Variants in NLGN4X observed in about 807,000 individuals in gnomAD.
The protein encoded by NLGN4X is neuroligin 4 X-linked.
A neutral mutation model predicts 40.3 loss-of-function variants in NLGN4X; 3 were observed. That is an observed-to-expected ratio of 0.07 (90% CI 0.03 to 0.19). The LOEUF (loss-of-function observed/expected upper bound fraction) is 0.19, where lower values mean the gene tolerates loss of function less well. NLGN4X is among the 10% of genes least tolerant of loss of function. NLGN4X has a pLI of 1.00. For synonymous variants in NLGN4X, 270 were observed against 306.8 expected (o/e 0.88, Z 1.25); for missense variants, 382 against 708.3 (o/e 0.54, Z 5.23).
At chrX:5,906,419 A>C (rs1466148684) in intron 4 of NLGN4X, among the ~76,000 whole-genome samples, 1 of 112,120 alleles carries the variant, frequency 8.9e-6, no homozygotes, top group Non-Finnish European at 1.9e-5. Flanking sequence ...GCCAATGAAG[A>C]CACTGAGGAG....
chrX:6,178,785 G>A (rs1177720773), intron 1 of NLGN4X, among the ~76,000 whole-genome samples: 3 of 111,661 alleles, frequency 2.7e-5, no homozygotes, highest in East Asian at 5.6e-4. Context: ...GTTCTTTCAC[G>A]GACTTATGCT....
chrX:5,968,574 T>G (rs1331362097), intron 3 of NLGN4X, among the ~76,000 whole-genome samples: 1 of 100,912 alleles, frequency 9.9e-6, no homozygotes, highest in Non-Finnish European at 2.0e-5. Flanking sequence ...ATGAATTAAT[T>G]AATGTGTGTG....
At chrX:6,144,468 CTTTTACAGT>C (rs2040008267) in intron 2 of NLGN4X, among the ~76,000 whole-genome samples, 1 of 111,684 alleles carries the variant, frequency 9.0e-6, no homozygotes, top group Non-Finnish European at 1.9e-5. Flanking sequence ...CACATTTATT[CTTTTACAGT>C]TCTAAGGTCA....
intron 3 of NLGN4X, among the ~76,000 whole-genome samples, chrX:5,990,077 C>CCT (rs71839664): frequency 0.047 from 3,954 of 83,622 alleles, 95 homozygotes; most frequent in African/African-American, 0.061. Flanking sequence ...TCTCTATTTT[C>CCT]CTCTCTCTCT....
At chrX:6,019,153 G>T (rs1254107855) in intron 3 of NLGN4X, among the ~76,000 whole-genome samples, 1 of 111,915 alleles carries the variant, frequency 8.9e-6, no homozygotes, top group African/African-American at 3.2e-5. Context: ...TTTCCATAAA[G>T]CTAATGACTT....
chrX:5,985,769 C>A (rs1055384320), intron 3 of NLGN4X, among the ~76,000 whole-genome samples: 1 of 111,679 alleles, frequency 9.0e-6, no homozygotes, highest in South Asian at 3.7e-4. Flanking sequence ...GACTCAAAAC[C>A]TGAGTCAACA....
intron 3 of NLGN4X, among the ~76,000 whole-genome samples, chrX:5,953,168 T>C (rs2034373306): frequency 9.1e-6 from 1 of 110,458 alleles, no homozygotes. Flanking sequence ...CTCGGGAGTT[T>C]GAGACCAGCC....
intron 1 of NLGN4X, among the ~76,000 whole-genome samples, chrX:6,184,286 T>C (rs568139052): frequency 1.8e-5 from 2 of 112,044 alleles, no homozygotes; most frequent in African/African-American, 6.5e-5. Context: ...CTGATGCCAT[T>C]TGCTTATTAC....
chrX:6,070,824 G>A (rs2147362440), intron 2 of NLGN4X, among the ~76,000 whole-genome samples: 1 of 111,532 alleles, frequency 9.0e-6, no homozygotes, highest in Middle Eastern at 4.7e-3. Flanking sequence ...AAGAATGTGC[G>A]AAGGAGGAAC....
chrX:6,183,856 TA>T (rs1479442297), intron 1 of NLGN4X, among the ~76,000 whole-genome samples: 1 of 112,258 alleles, frequency 8.9e-6, no homozygotes, highest in Non-Finnish European at 1.9e-5. Flanking sequence ...GTGATGATTT[TA>T]AAAACACCTG....
At chrX:6,105,117 G>A (rs1420639762) in intron 2 of NLGN4X, among the ~76,000 whole-genome samples, 1 of 109,444 alleles carries the variant, frequency 9.1e-6, no homozygotes, top group Non-Finnish European at 1.9e-5. Context: ...CTGGAATGCA[G>A]TGGCATGATT....
intron 2 of NLGN4X, among the ~76,000 whole-genome samples, chrX:6,059,426 T>C (rs894491543): frequency 8.9e-6 from 1 of 111,894 alleles, no homozygotes; most frequent in African/African-American, 3.2e-5. Context: ...AAACCCATAA[T>C]CAGCACCTTA....
chrX:6,031,240 TATAAG>T lies in NLGN4X; in HGVS notation c.473-1813_473-1809del, dbSNP rs557561568. ...CCAAACAGGATACAAATTAGAGCAGTATAAGATATGAGACAAAAGTTTATTTCATT... is the reference window on the plus strand; with the variant it reads ...CCAAACAGGATACAAATTAGAGCAGTATATGAGACAAAAGTTTATTTCATT... On this transcript the variant is annotated intron_variant, in intron 2 of 5. Coordinates refer to ENST00000381095, the MANE Select transcript of NLGN4X (RefSeq NM_181332.3). 1.3e-3 allele frequency among the ~76,000 whole-genome samples: 150 copies of T among 111,985 alleles called. No homozygotes were observed. In the South Asian group the frequency reaches 0.016, roughly 12 times the overall value.
At chrX:5,978,353 C>CTCTT (rs367718371) in intron 3 of NLGN4X, among the ~76,000 whole-genome samples, 5,725 of 89,527 alleles carry the variant, frequency 0.064, 575 homozygotes, top group African/African-American at 0.23. Context: ...TCCCTTCCTT[C>CTCTT]TCTTTCTTTC....
rs562394657 is a variant in NLGN4X, at chrX:6,100,393, G to A, written c.472+50602C>T. 1.4e-4 allele frequency among the ~76,000 whole-genome samples: 16 copies of A among 112,603 alleles called. No individual in the cohort carries two copies. The South Asian group carries it at 5.5e-3, about 38-fold the overall frequency. Reference sequence around the variant, plus strand: ...ACACTAGCCTAGTTCATCAGTTGCTGTATAAAATGTGAAAATGTCTGTGAA... The same window carrying A: ...ACACTAGCCTAGTTCATCAGTTGCTATATAAAATGTGAAAATGTCTGTGAA... On this transcript the variant is annotated intron_variant, in intron 2 of 5. Coordinates refer to ENST00000381095, the MANE Select transcript of NLGN4X (RefSeq NM_181332.3).
intron 3 of NLGN4X, among the ~76,000 whole-genome samples, chrX:6,021,911 C>T (rs2036569219): frequency 9.0e-6 from 1 of 111,045 alleles, no homozygotes; most frequent in Admixed American, 9.6e-5. Context: ...TGCCACCCAG[C>T]CCACAAAGAA....
chrX:5,982,812 C>T (rs1168929895), intron 3 of NLGN4X, among the ~76,000 whole-genome samples: 1 of 111,916 alleles, frequency 8.9e-6, no homozygotes, highest in Non-Finnish European at 1.9e-5. Context: ...GAACCCTGTT[C>T]GTGCCACTGC....
intron 3 of NLGN4X, among the ~76,000 whole-genome samples, chrX:6,000,305 C>A (rs1202597029): frequency 8.9e-6 from 1 of 112,251 alleles, no homozygotes; most frequent in African/African-American, 3.2e-5. Context: ...AAAATATTGG[C>A]GTTTGGTTTC....
intron 3 of NLGN4X, among the ~76,000 whole-genome samples, chrX:5,924,967 T>C (rs2033217101): frequency 9.1e-6 from 1 of 110,232 alleles, no homozygotes; most frequent in African/African-American, 3.3e-5. Context: ...AAGTGACTCA[T>C]GTAAGCAAAT....
Sources: gnomAD v4.1 joint callset for allele counts (sites outside exome capture counted in the v4.1 genomes callset) on GRCh38, gnomAD v4.1.1 for gene constraint, MANE v1.5 for transcripts, NCBI Gene and HGNC (gene_info 2026-07-23, HGNC 2026-07-21) for gene names.